The following PRMT8 variants were observed in gnomAD, a reference collection of about 807,000 sequenced individuals.
PRMT8 encodes protein arginine methyltransferase 8, also known as protein arginine N-methyltransferase 8.
In PRMT8, 7 loss-of-function variants were observed where a neutral mutation model predicts 47.1. The observed-to-expected ratio is 0.15, with a 90% CI of 0.08 to 0.28. PRMT8 has a LOEUF of 0.28. PRMT8 is among the 10% of genes least tolerant of loss of function. PRMT8 has a pLI of 1.00. For synonymous variants in PRMT8, 188 were observed against 186.5 expected (o/e 1.01, Z -0.07); for missense variants, 237 against 505.4 (o/e 0.47, Z 5.09).
chr12:3,392,660 C>T (rs1287538067), intron 1 of PRMT8, among the ~76,000 whole-genome samples: 16 of 151,728 alleles, frequency 1.1e-4, no homozygotes, highest in East Asian at 1.9e-4. Context: ...TGAATAATGC[C>T]GCAATAAACA....
intron 1 of PRMT8, among the ~76,000 whole-genome samples, chr12:3,478,310 A>AT (rs1865238476): frequency 1.3e-5 from 2 of 151,434 alleles, no homozygotes; most frequent in East Asian, 2.0e-4. Context: ...CTATCTATCT[A>AT]CCTACCTATC....
At chr12:3,427,861 C>A (rs11503079) in intron 1 of PRMT8, among the ~76,000 whole-genome samples, 1 of 152,026 alleles carries the variant, frequency 6.6e-6, no homozygotes, top group Non-Finnish European at 1.5e-5. Flanking sequence ...GATAATCATT[C>A]TTTTCCAAAG....
At chr12:3,563,721 C>T (rs1056658986) in intron 4 of PRMT8, among the ~76,000 whole-genome samples, 2 of 152,024 alleles carry the variant, frequency 1.3e-5, no homozygotes, top group Non-Finnish European at 2.9e-5. Context: ...GCACAACAGG[C>T]CTAGGTTCAG....
At position 3,557,428 on chromosome 12, in the gene PRMT8, T is replaced by C. The variant is rs1028348084; in HGVS notation, c.481+3714T>C. On this transcript the variant is annotated intron_variant, in intron 4 of 9. Transcript: ENST00000382622. The surrounding 1 kb of genome is among the most constrained non-coding windows in gnomAD (Gnocchi z 4.7). ...AGGCTGGGGCGAGGGGCGGGCAGCA[T>C]GTCTAGTGGCCACAAGTGGAGCTGC... Among the ~76,000 whole-genome samples, 6 of 152,068 alleles carry C rather than the reference T, an allele frequency of 3.9e-5. No homozygotes were observed. Among genetic ancestry groups the C allele is most frequent in the Non-Finnish European group, 8.8e-5 (6 of 68,004 alleles).
chr12:3,510,303 G>T (rs1358226895), intron 1 of PRMT8, among the ~76,000 whole-genome samples: 1 of 152,108 alleles, frequency 6.6e-6, no homozygotes, highest in Non-Finnish European at 1.5e-5. Context: ...ACACAACCAT[G>T]AACTTTTCTC....
chr12:3,426,778 C>G (rs1328736172), intron 1 of PRMT8, among the ~76,000 whole-genome samples: 1 of 151,890 alleles, frequency 6.6e-6, no homozygotes, highest in African/African-American at 2.4e-5. Context: ...AGACTATGCC[C>G]TACAACTCTA....
In PRMT8 at chr12:3,418,354, T is replaced by C. The variant is rs564171786; in HGVS notation, c.48+36912T>C. ...GGTGTTTTAGAGGCGGTTTTTTTGC[T>C]GAAAAAGAAAAGGGGGCATGGCCTG... is the stretch of plus-strand genomic sequence containing the variant. On this transcript the variant is annotated intron_variant, in intron 1 of 9. Coordinates refer to the PRMT8 transcript ENST00000452611. 3.7e-3 allele frequency among the ~76,000 whole-genome samples: 559 copies of C among 152,318 alleles called. 4 individuals are homozygous for C. The highest frequency in any genetic ancestry group is 0.012 in the African/African-American group (503 of 41,574).
chr12:3,438,884 G>A (rs1418670355), intron 1 of PRMT8, among the ~76,000 whole-genome samples: 1 of 152,222 alleles, frequency 6.6e-6, no homozygotes, highest in African/African-American at 2.4e-5. Flanking sequence ...TTTTAAAATT[G>A]ATGGTCATTT....
chr12:3,427,701 C>T lies in PRMT8; in HGVS notation c.48+46259C>T, dbSNP rs114125879. ...TTATAACTTTTTTTCACAACTTTTGCAGACAATTTTTTGACATGCCTCAAT... is the reference window on the plus strand; with the variant it reads ...TTATAACTTTTTTTCACAACTTTTGTAGACAATTTTTTGACATGCCTCAAT... On this transcript the variant is annotated intron_variant, in intron 1 of 9. Transcript: ENST00000452611. Among the ~76,000 whole-genome samples the T allele has an allele frequency of 7.4e-3, 1,128 of 151,852 alleles. 13 individuals are homozygous for T. The highest frequency in any genetic ancestry group is 0.024 in the African/African-American group (986 of 41,432).
chr12:3,433,492 G>C (rs964675969), intron 1 of PRMT8, among the ~76,000 whole-genome samples: 2 of 152,140 alleles, frequency 1.3e-5, no homozygotes, highest in Non-Finnish European at 2.9e-5. Flanking sequence ...TTATATATCA[G>C]GAATCTGAGG....
At chr12:3,411,466 C>T (rs912328629) in intron 1 of PRMT8, among the ~76,000 whole-genome samples, 2 of 152,148 alleles carry the variant, frequency 1.3e-5, no homozygotes, top group South Asian at 2.1e-4. Context: ...CTAGCCAGTA[C>T]ATACTGGAGG....
chr12:3,491,574 G>C lies in PRMT8; in HGVS notation c.-52G>C, dbSNP rs1865398387. 14 of 1,576,534 alleles carry C rather than the reference G, an allele frequency of 8.9e-6. No individual in the cohort carries two copies. The highest frequency in any genetic ancestry group is 1.9e-5 in the Admixed American group (1 of 53,010). ...CGCTCTCTCTTTTAAAGCGACACCA[G>C]CTCTCTCTCCTCCTCTACTATCTCG... On this transcript the variant is annotated 5_prime_UTR_variant, in exon 1 of 10. Transcript: ENST00000382622.
intron 1 of PRMT8, among the ~76,000 whole-genome samples, chr12:3,475,362 AGG>A (rs1399941866): frequency 6.6e-6 from 1 of 152,216 alleles, no homozygotes; most frequent in African/African-American, 2.4e-5. Flanking sequence ...CATTTGCCCC[AGG>A]GACTGTCAGA....
chr12:3,491,686 G>A lies in PRMT8; in HGVS notation c.61G>A (p.Ala21Thr). 1 of 1,610,646 alleles carries A rather than the reference G, an allele frequency of 6.2e-7. No homozygotes were observed. The highest frequency in any genetic ancestry group is 1.1e-5 in the South Asian group (1 of 90,826). ...LLRRKMAENAAESTEVNSPPS... is the reference protein window; with the variant it reads ...LLRRKMAENATESTEVNSPPS... Reference sequence around the variant, plus strand: ...GAGGAGGAAAATGGCGGAGAACGCGGCCGAGAGCACCGAGGTAAGGAGGCG... The same window carrying A: ...GAGGAGGAAAATGGCGGAGAACGCGACCGAGAGCACCGAGGTAAGGAGGCG... Residue 21 changes from alanine to threonine, a missense_variant, in exon 1 of 10, where the codon GCC becomes ACC. This residue lies in a region of PRMT8 where 11 missense variants were observed against 36.1 expected (regional missense o/e 0.31). Transcript: ENST00000382622.
chr12:3,398,163 T>G (rs1864280416), intron 1 of PRMT8, among the ~76,000 whole-genome samples: 1 of 152,130 alleles, frequency 6.6e-6, no homozygotes, highest in Non-Finnish European at 1.5e-5. Context: ...AAATCACCCG[T>G]TTTCTGCGTC....
At chr12:3,472,619 C>T (rs926372777) in intron 1 of PRMT8, among the ~76,000 whole-genome samples, 1 of 152,200 alleles carries the variant, frequency 6.6e-6, no homozygotes. Flanking sequence ...TCTGTGTTTT[C>T]TAGCACAGGG....
chr12:3,496,214 ATTTTTTTT>A (rs1555085718), intron 1 of PRMT8, among the ~76,000 whole-genome samples: 12 of 27,776 alleles, frequency 4.3e-4, no homozygotes, highest in African/African-American at 9.7e-4. Flanking sequence ...ATATATATAT[ATTTTTTTT>A]TTTTTTTTTT....
At chr12:3,577,192 C>T (rs544127665) in intron 7 of PRMT8, among the ~76,000 whole-genome samples, 4 of 152,038 alleles carry the variant, frequency 2.6e-5, no homozygotes, top group Admixed American at 6.5e-5. Context: ...CATGGTGGCA[C>T]GGATGTGGGA....
intron 1 of PRMT8, among the ~76,000 whole-genome samples, chr12:3,532,832 G>T (rs1411639156): frequency 6.6e-6 from 1 of 152,038 alleles, no homozygotes; most frequent in East Asian, 1.9e-4. Flanking sequence ...GTCCTTCAAG[G>T]CCTGGGAATC....
Sources: gnomAD v4.1 joint callset for allele counts (sites outside exome capture counted in the v4.1 genomes callset) on GRCh38, gnomAD v4.1.1 for gene constraint, gnomAD v4.1.1 regional missense constraint, Gnocchi (gnomAD v3.1) non-coding constraint, MANE v1.5 for transcripts, NCBI Gene and HGNC (gene_info 2026-07-23, HGNC 2026-07-21) for gene names.